TP63: variants seen among roughly 807,000 people sequenced by gnomAD.
The protein encoded by TP63 is tumor protein 63.
Under a neutral mutation model 82.8 loss-of-function variants are expected in TP63, and 17 were observed. That is an observed-to-expected ratio of 0.21 (90% CI 0.14 to 0.31). The LOEUF (loss-of-function observed/expected upper bound fraction) is 0.31, where lower values mean the gene tolerates loss of function less well. Ranked by LOEUF, TP63 falls within the 10% of genes least tolerant of loss-of-function variation. The probability of loss-of-function intolerance (pLI) is 1.00; values close to 1 mark genes in which losing one functional copy is unlikely to be tolerated. For synonymous variants in TP63, 330 were observed against 321.7 expected (o/e 1.03, Z -0.28); for missense variants, 648 against 895.3 (o/e 0.72, Z 3.52).
intron 3 of TP63, among the ~76,000 whole-genome samples, chr3:189,793,092 C>A (rs1432118268): frequency 6.6e-6 from 1 of 152,024 alleles, no homozygotes; most frequent in Non-Finnish European, 1.5e-5. Flanking sequence ...AGGTCGTATT[C>A]CTCACTCCAT....
At chr3:189,875,613 T>TATATATATACACACAC (rs1553859700) in intron 10 of TP63, among the ~76,000 whole-genome samples, 11 of 105,506 alleles carry the variant, frequency 1.0e-4, no homozygotes, top group South Asian at 3.0e-4. Flanking sequence ...TATATATATA[T>TATATATATACACACAC]ATATATATAT....
chr3:189,633,122 A>G (rs1055155291), intron 1 of TP63, among the ~76,000 whole-genome samples: 7 of 152,088 alleles, frequency 4.6e-5, no homozygotes, highest in Non-Finnish European at 8.8e-5. Flanking sequence ...GAAATAGAGA[A>G]ACTACTTTTT....
intron 12 of TP63, 43 bp downstream of exon 12, chr3:189,889,527 C>G: frequency 6.2e-7 from 1 of 1,613,854 alleles, no homozygotes. Flanking sequence ...CCCTAAGCAT[C>G]CCGGGATGGT....
In TP63 at chr3:189,796,338, C is replaced by T. The variant is rs894746377; in HGVS notation, c.325-11934C>T. On this transcript the variant is annotated intron_variant, in intron 3 of 13. Coordinates refer to ENST00000264731, the MANE Select transcript of TP63 (RefSeq NM_003722.5). ...GTCTTTTCCCACATCAATATCCTCC[C>T]TTTCCACAGCCTCCTTCATCACTTC... Among the ~76,000 whole-genome samples, 5 of 152,092 alleles carry T rather than the reference C, an allele frequency of 3.3e-5. No homozygotes were observed. The South Asian group carries it at 6.2e-4, about 19-fold the overall frequency.
chr3:189,891,565 C>A (rs773401119), intron 13 of TP63, among the ~76,000 whole-genome samples: 3 of 152,172 alleles, frequency 2.0e-5, no homozygotes, highest in Non-Finnish European at 4.4e-5. Context: ...GCAATGAGAA[C>A]TTGGGGTTAT....
At chr3:189,640,344 A>G (rs113164062) in intron 1 of TP63, among the ~76,000 whole-genome samples, 49 of 152,264 alleles carry the variant, frequency 3.2e-4, no homozygotes, top group African/African-American at 1.1e-3. Flanking sequence ...CTTAATTGAT[A>G]CTGTCTAATA....
chr3:189,738,115 T>G (rs1720726112), intron 2 of TP63, among the ~76,000 whole-genome samples: 1 of 152,182 alleles, frequency 6.6e-6, no homozygotes, highest in African/African-American at 2.4e-5. Flanking sequence ...TGCACCAAAT[T>G]CACTTCCCCA....
chr3:189,696,225 T>C (rs1717368239), intron 1 of TP63, among the ~76,000 whole-genome samples: 1 of 152,100 alleles, frequency 6.6e-6, no homozygotes. Context: ...AACTCCAAGT[T>C]CCAGACAACC....
intron 1 of TP63, among the ~76,000 whole-genome samples, chr3:189,735,560 A>T (rs180723077): frequency 5.2e-4 from 79 of 152,306 alleles, no homozygotes; most frequent in African/African-American, 1.9e-3. Flanking sequence ...CATTAGTAAC[A>T]CAACCAATAT....
intron 1 of TP63, among the ~76,000 whole-genome samples, chr3:189,705,940 C>A (rs11718770): frequency 0.24 from 37,123 of 152,062 alleles, 4,856 homozygotes; most frequent in African/African-American, 0.32. Context: ...CTGGGATATC[C>A]ATAAAGAAGC....
intron 3 of TP63, among the ~76,000 whole-genome samples, chr3:189,771,001 G>A (rs1723297771): frequency 1.3e-5 from 2 of 151,842 alleles, no homozygotes; most frequent in Admixed American, 1.3e-4. Context: ...ACAACAACAG[G>A]CAATGTATAT....
In TP63 at chr3:189,825,820, A is replaced by G. The variant is rs189371168; in HGVS notation, c.579+17294A>G. ...AAAAAAATAATATTTTATGGTAGTC[A>G]TGTACTTCTCAACACATCATTTGGA... is the stretch of plus-strand genomic sequence containing the variant. On this transcript the variant is annotated intron_variant, in intron 4 of 13. Coordinates refer to ENST00000264731, the MANE Select transcript of TP63 (RefSeq NM_003722.5). 1.3e-4 allele frequency among the ~76,000 whole-genome samples: 20 copies of G among 152,302 alleles called. No individual in the cohort carries two copies. The East Asian group carries it at 2.9e-3, about 22-fold the overall frequency.
chr3:189,758,729 C>T (rs1722363286), intron 3 of TP63, among the ~76,000 whole-genome samples: 1 of 152,188 alleles, frequency 6.6e-6, no homozygotes, highest in African/African-American at 2.4e-5. Context: ...TCTGCAGACC[C>T]ATACAGTTTG....
chr3:189,688,497 T>C (rs1193724915), intron 1 of TP63, among the ~76,000 whole-genome samples: 1 of 152,198 alleles, frequency 6.6e-6, no homozygotes, highest in African/African-American at 2.4e-5. Context: ...CTCTGTGTCC[T>C]AGAAACAGCT....
At position 189,704,278 on chromosome 3, in the gene TP63, C is replaced by T. The variant is rs542536613; in HGVS notation, c.63-33462C>T. Among the ~76,000 whole-genome samples the T allele has an allele frequency of 3.3e-5, 5 of 152,298 alleles. No homozygotes were observed. In the South Asian group the frequency reaches 6.2e-4, roughly 19 times the overall value. On this transcript the variant is annotated intron_variant, in intron 1 of 13. Transcript: ENST00000264731. ...ATGTTGGTTTGTGCTATTTTTCTTT[C>T]CAGAATGTTCTTTTTCTGGTTCTCT...
In TP63 at chr3:189,885,772, T is replaced by C. The variant is rs190617047; in HGVS notation, c.1350-622T>C. On this transcript the variant is annotated intron_variant, in intron 10 of 13. Transcript: ENST00000264731. The stretch of plus-strand genomic sequence containing the variant: ...AGAATAGTTATTTGGGCTTCAGCGT[T>C]CTCCTGTGTAGAAATGCTTTTGACA... Among the ~76,000 whole-genome samples, 188 of 152,382 alleles carry C rather than the reference T, an allele frequency of 1.2e-3. 1 individual carries two copies. Among genetic ancestry groups the C allele is most frequent in the Non-Finnish European group, 2.3e-3 (159 of 68,036 alleles).
chr3:189,754,921 G>A (rs895219630), intron 3 of TP63, among the ~76,000 whole-genome samples: 2 of 151,900 alleles, frequency 1.3e-5, no homozygotes, highest in South Asian at 4.2e-4. Context: ...CCAGAAAACC[G>A]CTAAAATTCA....
chr3:189,801,074 T>C (rs1188971055), intron 3 of TP63, among the ~76,000 whole-genome samples: 2 of 152,128 alleles, frequency 1.3e-5, no homozygotes, highest in African/African-American at 4.8e-5. Context: ...ACTAGACAAA[T>C]ATACTACCAA....
At chr3:189,817,419 A>G (rs1331769454) in intron 4 of TP63, among the ~76,000 whole-genome samples, 2 of 152,130 alleles carry the variant, frequency 1.3e-5, no homozygotes, top group East Asian at 3.8e-4. Flanking sequence ...AACAAGCTAT[A>G]TGAACTGGGG....
Sources: allele counts gnomAD v4.1 joint callset (sites outside exome capture counted in the v4.1 genomes callset), GRCh38; gene constraint gnomAD v4.1.1; transcripts MANE v1.5; gene names NCBI Gene and HGNC (gene_info 2026-07-23, HGNC 2026-07-21).